The following ELF2 variants were observed in gnomAD, a reference collection of about 807,000 sequenced individuals.
ELF2 encodes E74 like ETS transcription factor 2, also known as ETS-related transcription factor Elf-2.
ELF2 carries 11 observed loss-of-function variants against 54.8 expected under a neutral mutation model. That is an observed-to-expected ratio of 0.20 (90% CI 0.13 to 0.33). The LOEUF is 0.33. Ranked by LOEUF, ELF2 falls within the 10% of genes least tolerant of loss-of-function variation. The pLI, the probability that ELF2 is intolerant of heterozygous loss-of-function variation, is 1.00. For synonymous variants in ELF2, 203 were observed against 245.1 expected (o/e 0.83, Z 1.61); for missense variants, 513 against 703.0 (o/e 0.73, Z 3.06).
chr4:139,169,773 C>T (rs982992302), intron 1 of ELF2, among the ~76,000 whole-genome samples: 4 of 150,012 alleles, frequency 2.7e-5, no homozygotes, highest in African/African-American at 7.4e-5. Context: ...AGGAGAATGG[C>T]GTGAACCCGG....
intron 4 of ELF2, among the ~76,000 whole-genome samples, chr4:139,075,774 C>A (rs1241309310): frequency 6.6e-6 from 1 of 152,110 alleles, no homozygotes; most frequent in Admixed American, 6.6e-5. Flanking sequence ...ACTGACCTTA[C>A]AAGAAAATCA....
At chr4:139,088,323 A>T (rs943473064) in intron 4 of ELF2, among the ~76,000 whole-genome samples, 9 of 151,944 alleles carry the variant, frequency 5.9e-5, no homozygotes, top group African/African-American at 9.7e-5. Context: ...TAAAAATTTT[A>T]ACTGAAAATA....
At chr4:139,146,475 A>T (rs550581686) in intron 1 of ELF2, among the ~76,000 whole-genome samples, 1 of 152,330 alleles carries the variant, frequency 6.6e-6, no homozygotes. Context: ...GATTCAATAC[A>T]AATCTGATCA....
chr4:139,103,006 T>C (rs1301892856), intron 4 of ELF2, among the ~76,000 whole-genome samples: 1 of 152,084 alleles, frequency 6.6e-6, no homozygotes, highest in Non-Finnish European at 1.5e-5. Flanking sequence ...AGCCTCCAAG[T>C]GGCTGGGACT....
intron 2 of ELF2, among the ~76,000 whole-genome samples, chr4:139,138,395 G>A (rs1157520389): frequency 6.7e-6 from 1 of 150,016 alleles, no homozygotes; most frequent in Non-Finnish European, 1.5e-5. Context: ...CCAGCCTGGC[G>A]ACAGAGTGAG....
chr4:139,098,859 C>G (rs1460425861), intron 4 of ELF2, among the ~76,000 whole-genome samples: 1 of 152,194 alleles, frequency 6.6e-6, no homozygotes. Flanking sequence ...ATAAATAACA[C>G]AGGTTCTTGT....
intron 1 of ELF2, among the ~76,000 whole-genome samples, chr4:139,151,036 G>GAAAGAAAGAAAGAAAGAAAGAAAGA (rs1560871165): frequency 3.0e-4 from 9 of 30,110 alleles, no homozygotes; most frequent in African/African-American, 7.1e-4. Flanking sequence ...AAAAAAAAAA[G>GAAAGAAAGAAAGAAAGAAAGAAAGA]AAAGAAAGAA....
In ELF2 at chr4:139,067,818, T is replaced by G. The variant is rs1560761575; in HGVS notation, c.527-48A>C. 2.6e-6 allele frequency: 4 copies of G among 1,515,314 alleles called. No individual in the cohort carries two copies. The East Asian group carries it at 6.9e-5, about 26-fold the overall frequency. 93.9% of individuals were successfully genotyped at this position (1,515,314 alleles called of 1,614,324 possible). Reference sequence around the variant, plus strand: ...CCATACGTTGAAAACAAGAAAAATATGAGAGGCACGATTAGCAGACTTTCT... The same window carrying G: ...CCATACGTTGAAAACAAGAAAAATAGGAGAGGCACGATTAGCAGACTTTCT... On this transcript the variant is annotated intron_variant, in intron 6 of 9. Coordinates refer to ENST00000686138, the MANE Select transcript of ELF2 (RefSeq NM_001331036.3).
At chr4:139,107,428 T>A (rs1734525700) in intron 4 of ELF2, among the ~76,000 whole-genome samples, 1 of 152,182 alleles carries the variant, frequency 6.6e-6, no homozygotes, top group Non-Finnish European at 1.5e-5. Flanking sequence ...GTGATGGATA[T>A]CCCAATTACT....
At chr4:139,064,330 G>GA (rs1560755308) in intron 7 of ELF2, among the ~76,000 whole-genome samples, 1 of 152,108 alleles carries the variant, frequency 6.6e-6, no homozygotes, top group Admixed American at 6.6e-5. Flanking sequence ...AAAAAGAACA[G>GA]AAAAGAGTCC....
Position 139,067,760 on chromosome 4 carries a change from T to C in ELF2, c.537A>G (p.Lys179=). The part of the protein sequence containing the change: ...EPMKKKKVGR[K]PKTQQSPISN... The stretch of plus-strand genomic sequence containing the variant: ...AAATTGGTGATTGCTGGGTCTTTGG[T>C]TTACGGCCAACTGAAAAAATAAGAT... The change falls in exon 7 of 10, where the codon AAA becomes AAG. Residue 179 remains lysine, a synonymous_variant. Coordinates refer to ENST00000686138, the MANE Select transcript of ELF2 (RefSeq NM_001331036.3). 6.3e-7 allele frequency: 1 copy of C among 1,584,288 alleles called. No individual in the cohort carries two copies. Among genetic ancestry groups the C allele is most frequent in the Non-Finnish European group, 8.6e-7 (1 of 1,160,620 alleles).
intron 4 of ELF2, among the ~76,000 whole-genome samples, chr4:139,109,573 A>G (rs1351262830): frequency 6.6e-6 from 1 of 152,242 alleles, no homozygotes; most frequent in African/African-American, 2.4e-5. Flanking sequence ...AAAACATCTG[A>G]GAAGTCTTCC....
intron 6 of ELF2, 53 bp from the exon 7 acceptor site, chr4:139,067,823 G>T: frequency 6.7e-7 from 1 of 1,488,854 alleles, no homozygotes; most frequent in Non-Finnish European, 9.1e-7. Context: ...AAATATGAGA[G>T]GCACGATTAG....
At chr4:139,088,276 ACT>A (rs1257475763) in intron 4 of ELF2, among the ~76,000 whole-genome samples, 2 of 121,912 alleles carry the variant, frequency 1.6e-5, no homozygotes, top group Non-Finnish European at 3.4e-5. Flanking sequence ...GCAGAACAAG[ACT>A]CTGTCTAAAA....
At position 139,139,548 on chromosome 4, in the gene ELF2, G is replaced by A. The variant is rs568900930; in HGVS notation, c.-251-51C>T. 20 of 1,004,114 alleles carry A rather than the reference G, an allele frequency of 2.0e-5. No individual in the cohort carries two copies. In the East Asian group the frequency reaches 3.9e-4, roughly 19 times the overall value. 62.2% of individuals were successfully genotyped at this position (1,004,114 alleles called of 1,614,324 possible). A position where few individuals can be genotyped will look rare whatever the true frequency, so the allele number is the denominator to read the frequency against. ...AATATTAATATAATTATATTAAAAA[G>A]CACTATGCTCAAACAGATGTGATTG... On this transcript the variant is annotated intron_variant, in intron 1 of 9. Coordinates refer to ENST00000686138, the MANE Select transcript of ELF2 (RefSeq NM_001331036.3).
intron 1 of ELF2, among the ~76,000 whole-genome samples, chr4:139,144,314 CA>C (rs1285556200): frequency 6.6e-6 from 1 of 152,120 alleles, no homozygotes; most frequent in African/African-American, 2.4e-5. Context: ...CAAGAAGCAC[CA>C]GGGGCGGGAA....
At chr4:139,068,867 C>T (rs1051424875) in intron 6 of ELF2, among the ~76,000 whole-genome samples, 11 of 152,038 alleles carry the variant, frequency 7.2e-5, no homozygotes, top group Middle Eastern at 3.4e-3. Flanking sequence ...TATACACACA[C>T]ATAAATACAT....
intron 1 of ELF2, among the ~76,000 whole-genome samples, chr4:139,157,616 C>T (rs529954122): frequency 2.3e-4 from 35 of 152,246 alleles, no homozygotes; most frequent in Non-Finnish European, 4.6e-4. Context: ...GTTGCCCAGG[C>T]AGGTCTGAAA....
chr4:139,167,460 C>A (rs1017322384), intron 1 of ELF2, among the ~76,000 whole-genome samples: 6 of 151,930 alleles, frequency 3.9e-5, no homozygotes, highest in Admixed American at 3.9e-4. Context: ...AATAATCAGA[C>A]AAAAAACTAA....
Sources: gnomAD v4.1 joint callset for allele counts (sites outside exome capture counted in the v4.1 genomes callset) on GRCh38, gnomAD v4.1.1 for gene constraint, MANE v1.5 for transcripts, NCBI Gene and HGNC (gene_info 2026-07-23, HGNC 2026-07-21) for gene names.